The following DAPK2 variants were observed in gnomAD, a reference collection of about 807,000 sequenced individuals.
DAPK2 encodes the protein death associated protein kinase 2.
DAPK2 carries 35 observed loss-of-function variants against 44.1 expected under a neutral mutation model. The observed-to-expected ratio is 0.79, with a 90% confidence interval of 0.61 to 1.05. The LOEUF (loss-of-function observed/expected upper bound fraction) is 1.05, where lower values mean the gene tolerates loss of function less well. Ranked by LOEUF, DAPK2 falls within the 50% of genes least tolerant of loss-of-function variation. The pLI is 0.00. For synonymous variants in DAPK2, 174 were observed against 182.6 expected, an observed-to-expected ratio of 0.95 and a Z score of 0.38; for missense variants, 453 against 483.2, an observed-to-expected ratio of 0.94 and a Z score of 0.59.
At chr15:63,972,052 C>G (rs770136540) in intron 2 of DAPK2, among the ~76,000 whole-genome samples, 1 of 152,180 alleles carries the variant, frequency 6.6e-6, no homozygotes, top group South Asian at 2.1e-4. Context: ...AAAAGAGACC[C>G]CAGAGGGCTT....
chr15:63,993,578 T>A (rs1022533598), intron 1 of DAPK2, among the ~76,000 whole-genome samples: 1 of 152,044 alleles, frequency 6.6e-6, no homozygotes, highest in African/African-American at 2.4e-5. Context: ...TGTTTGTGAA[T>A]TTTTAATCCC....
chr15:63,983,736 C>T (rs1348783518), exon 2 of DAPK2: 1 of 1,612,036 alleles, frequency 6.2e-7, no homozygotes, highest in East Asian at 2.2e-5. Context: ...GGCACTTCTT[C>T]ACGATGGCAA....
At chr15:64,036,315 A>G (rs55670932) in intron 1 of DAPK2, among the ~76,000 whole-genome samples, 28 of 70,604 alleles carry the variant, frequency 4.0e-4, no homozygotes, top group African/African-American at 9.3e-4. Context: ...GTGTGTATAT[A>G]TATGTATATA....
At chr15:63,993,878 T>C (rs2078880005) in intron 1 of DAPK2, among the ~76,000 whole-genome samples, 1 of 152,150 alleles carries the variant, frequency 6.6e-6, no homozygotes, top group Admixed American at 6.5e-5. Flanking sequence ...ATATGTTTCA[T>C]ATTGATACAT....
intron 4 of DAPK2, among the ~76,000 whole-genome samples, chr15:63,931,117 T>TTG (rs1335359812): frequency 6.6e-6 from 1 of 152,088 alleles, no homozygotes; most frequent in African/African-American, 2.4e-5. Context: ...GTTTGCCCCT[T>TTG]TGGTCATTTG....
chr15:63,907,480 C>T (rs569816299), exon 11 of DAPK2: 8 of 151,998 alleles, frequency 5.3e-5, no homozygotes, highest in Non-Finnish European at 7.3e-5. Flanking sequence ...AGTGCAGTGG[C>T]GTGATCTCAG....
At position 63,970,798 on chromosome 15, in the gene DAPK2, A is replaced by T. The variant is rs2078191993; in HGVS notation, c.453+625T>A. Reference sequence around the variant, plus strand: ...AGTTACTAAGGGAACTGATCCTTCTACTTTGACCACATTCTTGCTTTATGA... The same window carrying T: ...AGTTACTAAGGGAACTGATCCTTCTTCTTTGACCACATTCTTGCTTTATGA... On this transcript the variant is annotated intron_variant, in intron 3 of 10. Transcript: ENST00000261891. Among the ~76,000 whole-genome samples, 3 of 152,332 alleles carry T rather than the reference A, an allele frequency of 2.0e-5. No homozygotes were observed. In the South Asian group the frequency reaches 6.2e-4, roughly 32 times the overall value.
At chr15:63,930,012 C>A (rs2079479333) in intron 5 of DAPK2, among the ~76,000 whole-genome samples, 1 of 152,242 alleles carries the variant, frequency 6.6e-6, no homozygotes, top group Non-Finnish European at 1.5e-5. Flanking sequence ...CTAATCCCTG[C>A]AGTATCCACA....
intron 3 of DAPK2, among the ~76,000 whole-genome samples, chr15:63,967,742 C>G (rs1016505726): frequency 8.5e-5 from 13 of 152,146 alleles, no homozygotes; most frequent in Non-Finnish European, 1.8e-4. Context: ...AGGCTAGGAG[C>G]ATGTGGTGAG....
chr15:63,965,219 C>T (rs1364731754), intron 3 of DAPK2, among the ~76,000 whole-genome samples: 4 of 152,242 alleles, frequency 2.6e-5, no homozygotes, highest in Non-Finnish European at 5.9e-5. Context: ...TGTAAAGGTA[C>T]TGCCTTGGTA....
chr15:63,981,014 C>A (rs1389186465), intron 2 of DAPK2, among the ~76,000 whole-genome samples: 1 of 151,460 alleles, frequency 6.6e-6, no homozygotes, highest in East Asian at 1.9e-4. Context: ...AGCTTGAACC[C>A]AGGAGGTGGA....
chr15:63,950,516 C>A (rs538203143), intron 3 of DAPK2, among the ~76,000 whole-genome samples: 2 of 151,908 alleles, frequency 1.3e-5, no homozygotes, highest in East Asian at 3.9e-4. Flanking sequence ...CAGTGCCCAG[C>A]CAGAAAGAGA....
At position 63,969,376 on chromosome 15, in the gene DAPK2, CG is replaced by C. The variant is rs572177798; in HGVS notation, c.453+2046del. The stretch of plus-strand genomic sequence containing the variant: ...TCTAGTCTGCAGTGAGCTGAGATCA[CG>C]CCACTGCACTCCAGCCTGGGTGACA... On this transcript the variant is annotated intron_variant, in intron 3 of 10. Coordinates refer to ENST00000261891, the Ensembl canonical transcript of DAPK2. Among the ~76,000 whole-genome samples the C allele has an allele frequency of 1.2e-4, 19 of 152,094 alleles. No homozygotes were observed. The South Asian group carries it at 3.3e-3, about 27-fold the overall frequency.
chr15:63,962,783 G>C (rs186616544), intron 3 of DAPK2, among the ~76,000 whole-genome samples: 2 of 152,202 alleles, frequency 1.3e-5, no homozygotes, highest in East Asian at 3.8e-4. Flanking sequence ...CTCCCAGTTA[G>C]GCTACTCGGG....
chr15:63,998,968 G>A (rs1217614774), intron 1 of DAPK2, among the ~76,000 whole-genome samples: 3 of 152,192 alleles, frequency 2.0e-5, no homozygotes, highest in Non-Finnish European at 4.4e-5. Context: ...CTTTCCTAAA[G>A]GAAATATTCT....
At chr15:63,998,744 G>A (rs758072014) in intron 1 of DAPK2, among the ~76,000 whole-genome samples, 10 of 152,204 alleles carry the variant, frequency 6.6e-5, no homozygotes, top group Non-Finnish European at 1.0e-4. Flanking sequence ...GCACTGTTCT[G>A]TCTACTTCCC....
intron 6 of DAPK2, among the ~76,000 whole-genome samples, chr15:63,927,596 A>G (rs2079333488): frequency 1.3e-5 from 2 of 152,200 alleles, no homozygotes; most frequent in Admixed American, 1.3e-4. Context: ...TCCCACAGAC[A>G]GGGAGCCCCA....
intron 8 of DAPK2, chr15:63,922,270 T>C (rs1207242391): frequency 1.0e-6 from 1 of 988,464 alleles, no homozygotes; most frequent in African/African-American, 1.7e-5. Flanking sequence ...CAATATTATT[T>C]TCTCTATGCA....
At position 63,966,060 on chromosome 15, in the gene DAPK2, A is replaced by G. The variant is rs2078046198; in HGVS notation, c.453+5363T>C. Among the ~76,000 whole-genome samples, 2 of 152,206 alleles carry G rather than the reference A, an allele frequency of 1.3e-5. No individual in the cohort carries two copies. Among genetic ancestry groups the G allele is most frequent in the African/African-American group, 4.8e-5 (2 of 41,452 alleles). On this transcript the variant is annotated intron_variant, in intron 3 of 10. Coordinates refer to ENST00000261891, the Ensembl canonical transcript of DAPK2. This position sits in a 1 kb window ranked among gnomAD's most constrained non-coding sequence, Gnocchi z 5.5. ...GTGCTGGGTCACACCTGAAGCCAGC[A>G]TGTCTCTGAGTGCACATCTCTGAGT...
Sources: gnomAD v4.1 joint callset for allele counts (sites outside exome capture counted in the v4.1 genomes callset) on GRCh38, gnomAD v4.1.1 for gene constraint, Gnocchi (gnomAD v3.1) non-coding constraint, MANE v1.5 for transcripts, NCBI Gene and HGNC (gene_info 2026-07-23, HGNC 2026-07-21) for gene names.